Variants in KIDINS220 observed in about 807,000 individuals in gnomAD.
KIDINS220 encodes the protein kinase D-interacting substrate of 220 kDa.
In KIDINS220, 63 loss-of-function variants were observed where a neutral mutation model predicts 157.6. That is an observed-to-expected ratio of 0.40 (90% CI 0.33 to 0.49). The LOEUF (loss-of-function observed/expected upper bound fraction) is 0.49, where lower values mean the gene tolerates loss of function less well. Ranked by LOEUF, KIDINS220 falls within the 20% of genes least tolerant of loss-of-function variation. KIDINS220 has a pLI of 0.66. For missense variants in KIDINS220, 1,772 were observed against 2,171.2 expected (o/e 0.82, Z 3.65); for synonymous variants, 732 against 783.6 (o/e 0.93, Z 1.10).
intron 17 of KIDINS220, among the ~76,000 whole-genome samples, chr2:8,781,116 A>T (rs1671656938): frequency 6.9e-6 from 1 of 144,892 alleles, no homozygotes; most frequent in African/African-American, 2.5e-5. Context: ...CAATCAAAAG[A>T]GAGGGGGAGT....
chr2:8,764,107 C>T (rs1023566683), intron 22 of KIDINS220, among the ~76,000 whole-genome samples: 2 of 152,130 alleles, frequency 1.3e-5, no homozygotes, highest in Admixed American at 6.5e-5. Context: ...TTGGATGGAG[C>T]TTGAGGCCAT....
chr2:8,812,654 T>G (rs934449970), intron 5 of KIDINS220, among the ~76,000 whole-genome samples, 161 bp from the exon 6 acceptor site: 1 of 152,152 alleles, frequency 6.6e-6, no homozygotes, highest in Non-Finnish European at 1.5e-5. Flanking sequence ...TAACACAAAG[T>G]AATGTTTTTT....
At chr2:8,817,479 G>T in intron 4 of KIDINS220, 139 bp downstream of exon 4, 1 of 465,766 alleles carries the variant, frequency 2.1e-6, no homozygotes, top group South Asian at 5.5e-5. Flanking sequence ...ACATTCTTGA[G>T]GGTCATTTCA....
At chr2:8,762,257 A>G (rs1442477604) in intron 22 of KIDINS220, among the ~76,000 whole-genome samples, 1 of 152,196 alleles carries the variant, frequency 6.6e-6, no homozygotes, top group Non-Finnish European at 1.5e-5. Context: ...TTTTAAGATA[A>G]CTCGTACAAT....
At chr2:8,737,372 A>C (rs2147978208) in intron 26 of KIDINS220, 1 of 166,030 alleles carries the variant, frequency 6.0e-6, no homozygotes, top group South Asian at 1.7e-4. Context: ...ATGGAAAACT[A>C]CTGATGCCAA....
intron 1 of KIDINS220, among the ~76,000 whole-genome samples, chr2:8,833,558 T>C (rs1348004441): frequency 1.3e-5 from 2 of 150,920 alleles, no homozygotes; most frequent in Admixed American, 1.3e-4. Flanking sequence ...CCCACTAGGA[T>C]ATAAGCTTTT....
chr2:8,757,267 T>C, intron 22 of KIDINS220: 1 of 995,280 alleles, frequency 1.0e-6, no homozygotes, highest in Non-Finnish European at 1.2e-6. Flanking sequence ...ATGGAATGTG[T>C]ACTTAACATT....
chr2:8,779,853 G>A (rs1671463083), intron 17 of KIDINS220, 39 bp from the exon 18 acceptor site: 1 of 1,601,940 alleles, frequency 6.2e-7, no homozygotes, highest in Non-Finnish European at 8.5e-7. Flanking sequence ...ACTGAAGGAA[G>A]ATCCAAGAAG....
At chr2:8,795,142 G>C (rs969627762) in intron 11 of KIDINS220, among the ~76,000 whole-genome samples, 5 of 152,170 alleles carry the variant, frequency 3.3e-5, no homozygotes, top group Non-Finnish European at 5.9e-5. Context: ...TCGCTCCCAT[G>C]CAACTCTCTA....
At chr2:8,813,376 T>G in intron 4 of KIDINS220, 41 bp from the exon 5 acceptor site, 1 of 1,342,900 alleles carries the variant, frequency 7.4e-7, no homozygotes, top group South Asian at 1.3e-5. Flanking sequence ...AAACTTTAAA[T>G]CATCTCTGAG....
At chr2:8,756,331 CA>C (rs1465542388) in intron 22 of KIDINS220, among the ~76,000 whole-genome samples, 6 of 152,158 alleles carry the variant, frequency 3.9e-5, no homozygotes, top group African/African-American at 1.4e-4. Flanking sequence ...CTGTATCCTG[CA>C]AACTTTGCTG....
At chr2:8,739,920 T>C (rs1212669554) in intron 26 of KIDINS220, among the ~76,000 whole-genome samples, 1 of 152,224 alleles carries the variant, frequency 6.6e-6, no homozygotes, top group Non-Finnish European at 1.5e-5. Flanking sequence ...TATCACTGTG[T>C]ATTGTAAGTA....
intron 26 of KIDINS220, among the ~76,000 whole-genome samples, chr2:8,744,103 T>A: frequency 6.8e-6 from 1 of 146,228 alleles, no homozygotes; most frequent in Non-Finnish European, 1.5e-5. Context: ...TACTATATCA[T>A]TAATATATTA....
chr2:8,833,091 T>C (rs1362401750), intron 1 of KIDINS220, among the ~76,000 whole-genome samples: 1 of 152,148 alleles, frequency 6.6e-6, no homozygotes, highest in African/African-American at 2.4e-5. Context: ...CCATAAAAAA[T>C]AAAATACACA....
In KIDINS220 at chr2:8,729,206, C is replaced by G. The variant is rs1191957301; in HGVS notation, c.*1514G>C. Reference sequence around the variant, plus strand: ...TGTTAAAGATCATGCAAAATAAACACTGTATTAAAATGCTAGATTACACTC... The same window carrying G: ...TGTTAAAGATCATGCAAAATAAACAGTGTATTAAAATGCTAGATTACACTC... On this transcript the variant is annotated 3_prime_UTR_variant, in exon 30 of 30. Transcript: ENST00000256707. 1 of 984,958 alleles carries G rather than the reference C, an allele frequency of 1.0e-6. No homozygotes were observed. Among genetic ancestry groups the G allele is most frequent in the Non-Finnish European group, 1.2e-6 (1 of 829,280 alleles). 61.0% of individuals were successfully genotyped at this position (984,958 alleles called of 1,614,324 possible). A position where few individuals can be genotyped will look rare whatever the true frequency, so the allele number is the denominator to read the frequency against.
intron 7 of KIDINS220, among the ~76,000 whole-genome samples, chr2:8,803,414 AAACT>A (rs1262875992): frequency 6.6e-6 from 1 of 152,220 alleles, no homozygotes; most frequent in African/African-American, 2.4e-5. Context: ...CATTTACAAT[AAACT>A]AACTCAGTAA....
intron 2 of KIDINS220, among the ~76,000 whole-genome samples, chr2:8,821,403 G>A (rs747701363): frequency 1.3e-4 from 19 of 150,972 alleles, no homozygotes; most frequent in Non-Finnish European, 2.1e-4. Flanking sequence ...ATCCCACAAC[G>A]GTGCCCTGGC....
At position 8,778,883 on chromosome 2, in the gene KIDINS220, G is replaced by A. The variant is rs1472097786; in HGVS notation, c.2614+13C>T. On this transcript the variant is annotated intron_variant, in intron 19 of 29. Transcript: ENST00000256707. The stretch of plus-strand genomic sequence containing the variant: ...ATTTCAAACTCAAAGTACTTTAGGA[G>A]CCTGAGCTTTACCTGTAGTATCTGA... The A allele has an allele frequency of 6.2e-7, 1 of 1,613,362 alleles. No individual in the cohort carries two copies. The highest frequency in any genetic ancestry group is 8.5e-7 in the Non-Finnish European group (1 of 1,179,324).
At chr2:8,797,300 A>G (rs1359269379) in intron 10 of KIDINS220, among the ~76,000 whole-genome samples, 1 of 152,226 alleles carries the variant, frequency 6.6e-6, no homozygotes, top group Non-Finnish European at 1.5e-5. Flanking sequence ...CAGTGAAACC[A>G]TTTGAAACAA....
Sources: allele counts gnomAD v4.1 joint callset (sites outside exome capture counted in the v4.1 genomes callset), GRCh38; gene constraint gnomAD v4.1.1; transcripts MANE v1.5; gene names NCBI Gene and HGNC (gene_info 2026-07-23, HGNC 2026-07-21).